The following NPC1 variants were observed in gnomAD, a reference collection of about 807,000 sequenced individuals.
The protein encoded by NPC1 is Niemann-Pick C1 protein.
Under a neutral mutation model 140.4 loss-of-function variants are expected in NPC1, and 85 were observed. The ratio of observed to expected loss-of-function variants is 0.61; its 90% CI spans 0.51 to 0.72. The LOEUF is 0.72. Ranked by LOEUF, NPC1 falls within the 30% of genes least tolerant of loss-of-function variation. The pLI is 0.00. For synonymous variants in NPC1, 656 were observed against 624.8 expected, an observed-to-expected ratio of 1.05 and a Z score of -0.74; for missense variants, 1,504 against 1,623.8, an observed-to-expected ratio of 0.93 and a Z score of 1.27.
chr18:23,549,557 C>G (rs527333462), intron 10 of NPC1, among the ~76,000 whole-genome samples: 81 of 151,898 alleles, frequency 5.3e-4, no homozygotes, highest in Non-Finnish European at 8.1e-4. Context: ...AAGAATTGCT[C>G]GAACCTGGGA....
Position 23,532,038 on chromosome 18 carries a change from A to G in NPC1, c.*164T>C, listed in dbSNP as rs8086463. ...TCTAGTAATACTGCTTCCCAAGTCA[A>G]CTGTGCATTCCTGAGTTCACAGGCG... is the stretch of plus-strand genomic sequence containing the variant. On this transcript the variant is annotated 3_prime_UTR_variant, in exon 25 of 25. Transcript: ENST00000269228. The G allele has an allele frequency of 2.2e-3, 3,358 of 1,558,884 alleles. 63 individuals carry two copies. In the African/African-American group the frequency reaches 0.038, roughly 18 times the overall value.
intron 20 of NPC1, among the ~76,000 whole-genome samples, chr18:23,537,566 C>A (rs1042431485): frequency 6.6e-6 from 1 of 152,196 alleles, no homozygotes; most frequent in African/African-American, 2.4e-5. Context: ...AGCAAAATGA[C>A]CACCTCTGAG....
intron 6 of NPC1, among the ~76,000 whole-genome samples, chr18:23,557,527 G>A (rs964245571): frequency 6.6e-6 from 1 of 152,218 alleles, no homozygotes; most frequent in East Asian, 1.9e-4. Context: ...AGGCCAAGGT[G>A]GGCGGGATCA....
intron 10 of NPC1, among the ~76,000 whole-genome samples, chr18:23,549,336 G>A (rs2058834236): frequency 6.6e-6 from 1 of 151,936 alleles, no homozygotes; most frequent in South Asian, 2.1e-4. Flanking sequence ...CATTACTTTA[G>A]TCAAGAAAAT....
chr18:23,520,341 T>C, downstream of NPC1: 1 of 1,551,206 alleles, frequency 6.4e-7, no homozygotes, highest in Non-Finnish European at 8.9e-7. Flanking sequence ...GAGGAGTCTG[T>C]GCTGCCCTTT....
chr18:23,568,280 T>C (rs1264676817), intron 4 of NPC1, among the ~76,000 whole-genome samples: 1 of 152,206 alleles, frequency 6.6e-6, no homozygotes, highest in Non-Finnish European at 1.5e-5. Context: ...CTAAGTGCCT[T>C]ATTTTTTGTT....
At chr18:23,517,404 T>C (rs2058036849), downstream of NPC1, among the ~76,000 whole-genome samples, 1 of 152,214 alleles carries the variant, frequency 6.6e-6, no homozygotes, top group African/African-American at 2.4e-5. Context: ...CTCCTCAGCC[T>C]CCCAAAGTGT....
intron 14 of NPC1, 108 bp from the exon 15 acceptor site, chr18:23,541,541 A>G (rs1310466851): frequency 7.0e-7 from 1 of 1,427,924 alleles, no homozygotes; most frequent in Non-Finnish European, 9.7e-7. Flanking sequence ...CACAGGCCAA[A>G]CGCATGAGAA....
At chr18:23,540,634 T>A in intron 16 of NPC1, 97 bp from the exon 17 acceptor site, 1 of 935,228 alleles carries the variant, frequency 1.1e-6, no homozygotes, top group Non-Finnish European at 1.7e-6. Flanking sequence ...CAGGATTTTT[T>A]AAAATGGAAA....
Position 23,544,946 on chromosome 18 carries a change from C to CCCG in NPC1, c.1947+13_1947+14insCGG, listed in dbSNP as rs771098370. On this transcript the variant is annotated intron_variant, in intron 12 of 24. Transcript: ENST00000269228. ...GTTAACCTCTAGAACATACACCACC[C>CCCG]CCCCCCGGCTTACCAGAAGCCTGCG... is the stretch of plus-strand genomic sequence containing the variant. The CCCG allele has an allele frequency of 6.8e-5, 90 of 1,329,800 alleles. 6 individuals carry two copies. In the African/African-American group the frequency reaches 7.2e-4, roughly 11 times the overall value. 82.4% of individuals were successfully genotyped at this position (1,329,800 alleles called of 1,614,324 possible).
At chr18:23,576,137 T>C (rs2059274360) in intron 1 of NPC1, among the ~76,000 whole-genome samples, 2 of 151,956 alleles carry the variant, frequency 1.3e-5, no homozygotes, top group Admixed American at 6.5e-5. Flanking sequence ...GGCAAGAGAA[T>C]TGCTTGAACC....
chr18:23,534,618 AC>A lies in NPC1; in HGVS notation c.3478-60del, dbSNP rs1246367498. On this transcript the variant is annotated intron_variant, in intron 22 of 24. Coordinates refer to ENST00000269228, the MANE Select transcript of NPC1 (RefSeq NM_000271.5). ...TTCCTGTTGAAGACCCTAGGCAGCC[AC>A]CCCGTTCTGAGGATGGGTGCTAATT... 4.3e-6 allele frequency: 6 copies of A among 1,385,054 alleles called. No homozygotes were observed. In the African/African-American group the frequency reaches 7.1e-5, roughly 16 times the overall value. The allele number at this position is 1,385,054 out of a possible 1,614,324, so 85.8% of individuals were successfully genotyped here. A position where few individuals can be genotyped will look rare whatever the true frequency, so the allele number is the denominator to read the frequency against.
rs144276146 is a variant in NPC1, at chr18:23,532,356, C to A, written c.3755-72G>T. On this transcript the variant is annotated intron_variant, in intron 24 of 24. Transcript: ENST00000269228. ...CTAGTTGGCTGGGCATAGTGGCTCACGCCTGTAATCCCACTTTGGAAGACT... is the reference window on the plus strand; with the variant it reads ...CTAGTTGGCTGGGCATAGTGGCTCAAGCCTGTAATCCCACTTTGGAAGACT... The A allele has an allele frequency of 2.1e-3, 3,305 of 1,541,476 alleles. 63 individuals carry two copies. The African/African-American group carries it at 0.04, about 19-fold the overall frequency.
intron 1 of NPC1, among the ~76,000 whole-genome samples, chr18:23,573,875 G>T (rs1007690687): frequency 1.3e-5 from 2 of 152,138 alleles, no homozygotes; most frequent in African/African-American, 4.8e-5. Flanking sequence ...AGAGAGAAAA[G>T]CAAGATAGTG....
chr18:23,526,747 C>T (rs2058308861), downstream of NPC1: 11 of 1,613,874 alleles, frequency 6.8e-6, no homozygotes, highest in African/African-American at 1.3e-5. Context: ...GATGGTCATC[C>T]TGTCTGTCTG....
intron 6 of NPC1, among the ~76,000 whole-genome samples, chr18:23,559,349 T>C (rs2059002764): frequency 6.6e-6 from 1 of 152,180 alleles, no homozygotes; most frequent in South Asian, 2.1e-4. Flanking sequence ...TTCTACCATT[T>C]TGCAACTTTT....
At position 23,537,600 on chromosome 18, in the gene NPC1, G is replaced by A. The variant is rs569783524; in HGVS notation, c.3042-724C>T. Among the ~76,000 whole-genome samples the A allele has an allele frequency of 8.8e-4, 134 of 152,262 alleles. 1 individual carries two copies. The highest frequency in any genetic ancestry group is 3.0e-3 in the African/African-American group (123 of 41,552). On this transcript the variant is annotated intron_variant, in intron 20 of 24. Transcript: ENST00000269228. ...AGCCCCAGTCTCCTCTTCTGTAAAT[G>A]GGTATACCACCACCTACTCATAGGC...
In NPC1 at chr18:23,558,693, G is replaced by A. The variant is rs373251800; in HGVS notation, c.882-1503C>T. 3.4e-4 allele frequency among the ~76,000 whole-genome samples: 52 copies of A among 152,184 alleles called. No homozygotes were observed. The South Asian group carries it at 8.7e-3, about 26-fold the overall frequency. ...ATAATGTAATAATAATGGCATGGTC[G>A]TGGTTTTGATCATTGTACTATGAGT... On this transcript the variant is annotated intron_variant, in intron 6 of 24. Coordinates refer to ENST00000269228, the MANE Select transcript of NPC1 (RefSeq NM_000271.5).
chr18:23,558,997 T>G (rs536017979), intron 6 of NPC1, among the ~76,000 whole-genome samples: 14 of 152,296 alleles, frequency 9.2e-5, no homozygotes, highest in African/African-American at 3.4e-4. Context: ...CTTGCGATAT[T>G]TTGCTGAGAA....
Sources: gnomAD v4.1 joint callset for allele counts (sites outside exome capture counted in the v4.1 genomes callset) on GRCh38, gnomAD v4.1.1 for gene constraint, MANE v1.5 for transcripts, NCBI Gene and HGNC (gene_info 2026-07-23, HGNC 2026-07-21) for gene names.